UNC13C: variants seen among roughly 807,000 people sequenced by gnomAD.
UNC13C encodes unc-13 homolog C.
A neutral mutation model predicts 245.4 loss-of-function variants in UNC13C; 174 were observed. The ratio of observed to expected loss-of-function variants is 0.71; its 90% CI spans 0.63 to 0.80. The LOEUF (loss-of-function observed/expected upper bound fraction) is 0.80, where lower values mean the gene tolerates loss of function less well. Among genes scored for constraint, UNC13C ranks in the 30% least tolerant of loss-of-function variants. The probability of loss-of-function intolerance (pLI) is 0.00; values close to 1 mark genes in which losing one functional copy is unlikely to be tolerated. For missense variants in UNC13C, 2,829 were observed against 2,602.9 expected (o/e 1.09, Z -1.89); for synonymous variants, 992 against 895.1 (o/e 1.11, Z -1.93).
At chr15:54,400,867 A>C (rs914813036) in intron 18 of UNC13C, among the ~76,000 whole-genome samples, 24 of 152,236 alleles carry the variant, frequency 1.6e-4, no homozygotes, top group African/African-American at 5.5e-4. Flanking sequence ...CATCATTTAC[A>C]TTCGGTATGT....
intron 1 of UNC13C, among the ~76,000 whole-genome samples, chr15:54,007,324 G>A (rs1395626749): frequency 6.6e-6 from 1 of 152,106 alleles, no homozygotes; most frequent in Admixed American, 6.6e-5. Flanking sequence ...AAGTCAAAAA[G>A]TCAAGTGATT....
chr15:53,992,040 C>T (rs1044777589), intron 1 of UNC13C, among the ~76,000 whole-genome samples: 2 of 152,002 alleles, frequency 1.3e-5, no homozygotes, highest in Non-Finnish European at 2.9e-5. Context: ...CTTTCTCTAC[C>T]GTTTTCCATA....
intron 30 of UNC13C, among the ~76,000 whole-genome samples, chr15:54,572,691 G>T (rs1047624300): frequency 6.6e-6 from 1 of 152,032 alleles, no homozygotes; most frequent in African/African-American, 2.4e-5. Context: ...CTCCCAAAGT[G>T]CTGGGATTAC....
chr15:53,949,266 T>C, the UNC13C span, among the ~76,000 whole-genome samples: 17 of 152,300 alleles, frequency 1.1e-4, no homozygotes, highest in South Asian at 3.3e-3. Context: ...TGCTACGTAG[T>C]AGATATTCAG....
the UNC13C span, among the ~76,000 whole-genome samples, chr15:53,955,197 G>C: frequency 6.6e-6 from 1 of 151,924 alleles, no homozygotes. Context: ...CATAGCCACA[G>C]ATGCTGAATT....
chr15:54,508,212 A>C (rs1441989716), intron 23 of UNC13C, among the ~76,000 whole-genome samples: 2 of 152,060 alleles, frequency 1.3e-5, no homozygotes. Flanking sequence ...TTACAAGATA[A>C]TACATGTCTA....
chr15:54,007,569 G>A lies in UNC13C; in HGVS notation c.-256-5079G>A, dbSNP rs150695192. ...AGTGGGAGCTATACAATGAGGACAC[G>A]TGGACTCAGGGAGGGGAACAGCACA... On this transcript the variant is annotated intron_variant, in intron 1 of 32. Coordinates refer to ENST00000260323, the MANE Select transcript of UNC13C (RefSeq NM_001080534.3). Among the ~76,000 whole-genome samples, 1,099 of 152,232 alleles carry A rather than the reference G, an allele frequency of 7.2e-3. 16 individuals carry two copies. The Middle Eastern group carries it at 0.078, about 11-fold the overall frequency.
the UNC13C span, among the ~76,000 whole-genome samples, chr15:53,871,442 C>T: frequency 1.3e-5 from 2 of 152,216 alleles, no homozygotes; most frequent in South Asian, 2.1e-4. Context: ...GCTGGCTGAT[C>T]ACTTCCACAG....
chr15:54,532,780 T>A, intron 25 of UNC13C, 137 bp from the exon 26 acceptor site: 1 of 586,444 alleles, frequency 1.7e-6, no homozygotes, highest in Non-Finnish European at 2.9e-6. Context: ...ATTTTTGCAG[T>A]TAAACATTGA....
intron 29 of UNC13C, among the ~76,000 whole-genome samples, chr15:54,560,285 A>G (rs1190677293): frequency 2.0e-5 from 3 of 151,994 alleles, no homozygotes; most frequent in Non-Finnish European, 4.4e-5. Context: ...GCATGTTCCC[A>G]TGAGTCAGTA....
chr15:54,172,093 G>A (rs2033420023), intron 4 of UNC13C, among the ~76,000 whole-genome samples: 2 of 152,048 alleles, frequency 1.3e-5, no homozygotes, highest in Non-Finnish European at 1.5e-5. Flanking sequence ...GTAGAATGAT[G>A]GTTACCAGAG....
chr15:54,260,295 G>C (rs1046387508), intron 8 of UNC13C, among the ~76,000 whole-genome samples: 4 of 151,992 alleles, frequency 2.6e-5, no homozygotes, highest in African/African-American at 9.7e-5. Context: ...ATCAGGTTTG[G>C]GTTTTTTTGT....
intron 19 of UNC13C, among the ~76,000 whole-genome samples, chr15:54,425,323 C>T (rs141126261): frequency 5.9e-4 from 90 of 151,672 alleles, no homozygotes; most frequent in African/African-American, 2.0e-3. Context: ...AAAACTGGAC[C>T]TGGGGCTACA....
At chr15:54,372,287 C>CTTA (rs1361308670) in intron 17 of UNC13C, among the ~76,000 whole-genome samples, 1 of 151,864 alleles carries the variant, frequency 6.6e-6, no homozygotes, top group Non-Finnish European at 1.5e-5. Flanking sequence ...TGAGCTTTAT[C>CTTA]TTATACTTGT....
At chr15:54,229,863 A>G (rs996474987) in intron 4 of UNC13C, among the ~76,000 whole-genome samples, 1 of 152,118 alleles carries the variant, frequency 6.6e-6, no homozygotes, top group Admixed American at 6.6e-5. Flanking sequence ...ACATGTCATC[A>G]AGATCATGTG....
intron 2 of UNC13C, among the ~76,000 whole-genome samples, chr15:54,128,833 A>C (rs1270900661): frequency 6.6e-6 from 1 of 152,142 alleles, no homozygotes; most frequent in Non-Finnish European, 1.5e-5. Context: ...TTAGTACCTA[A>C]TTGCTGCTTC....
intron 2 of UNC13C, among the ~76,000 whole-genome samples, chr15:54,141,058 G>C (rs2031993543): frequency 6.6e-6 from 1 of 152,146 alleles, no homozygotes; most frequent in Non-Finnish European, 1.5e-5. Context: ...TGAGATGGAA[G>C]ACAGATATCA....
chr15:53,900,309 TA>T, the UNC13C span, among the ~76,000 whole-genome samples: 1 of 152,206 alleles, frequency 6.6e-6, no homozygotes, highest in Non-Finnish European at 1.5e-5. Context: ...ATACGAGTTA[TA>T]AAAATTGGAG....
rs761843997 is a variant in UNC13C at position 54,623,970 on chromosome 15, A to T, written c.6359+16A>T. The T allele has an allele frequency of 4.3e-6, 7 of 1,612,472 alleles. No homozygotes were observed. The highest frequency in any genetic ancestry group is 5.9e-6 in the Non-Finnish European group (7 of 1,178,956). On this transcript the variant is annotated intron_variant, in intron 32 of 32. Coordinates refer to ENST00000260323, the MANE Select transcript of UNC13C (RefSeq NM_001080534.3). Reference sequence around the variant, plus strand: ...CATTTCAGTTGTAAGTCATAAACCCACCTTACTTATTCTACCAGGCAATAG... The same window carrying T: ...CATTTCAGTTGTAAGTCATAAACCCTCCTTACTTATTCTACCAGGCAATAG...
Sources: allele counts gnomAD v4.1 joint callset (sites outside exome capture counted in the v4.1 genomes callset), GRCh38; gene constraint gnomAD v4.1.1; transcripts MANE v1.5; gene names NCBI Gene and HGNC (gene_info 2026-07-23, HGNC 2026-07-21).